F5: variants seen among roughly 807,000 people sequenced by gnomAD.
F5 encodes the protein coagulation factor V.
Under a neutral mutation model 216.4 loss-of-function variants are expected in F5, and 138 were observed. The ratio of observed to expected loss-of-function variants is 0.64; its 90% CI spans 0.56 to 0.73. The LOEUF (loss-of-function observed/expected upper bound fraction) is 0.73. Among genes scored for constraint, F5 ranks in the 30% least tolerant of loss-of-function variants. The pLI is 0.00. For missense variants in F5, 2,403 were observed against 2,674.0 expected, an observed-to-expected ratio of 0.90 and a Z score of 2.24; for synonymous variants, 916 against 930.7, an observed-to-expected ratio of 0.98 and a Z score of 0.29.
chr1:169,517,674 T>A (rs1039056749), intron 23 of F5, among the ~76,000 whole-genome samples: 3 of 152,194 alleles, frequency 2.0e-5, no homozygotes, highest in Non-Finnish European at 4.4e-5. Flanking sequence ...CTCAGTGGGC[T>A]AATATCAGGG....
chr1:169,520,657 T>C lies in F5; in HGVS notation c.6056A>G (p.Asn2019Ser). 1 of 1,613,486 alleles carries C rather than the reference T, an allele frequency of 6.2e-7. No individual in the cohort carries two copies. Among genetic ancestry groups the C allele is most frequent in the Non-Finnish European group, 8.5e-7 (1 of 1,179,554 alleles). Residue 2019 changes from asparagine (N) to serine (S), a missense_variant, in exon 22 of 25, where the codon AAT becomes AGT. This residue lies in a region of F5 where 659 missense variants were observed against 787.9 expected (regional missense o/e 0.84). Transcript: ENST00000367797. ...GNSTRNVMYF[N>S]GNSDASTIKE... ...TATTGTAGAGGCATCTGAATTGCCA[T>C]TAAAATACTAGAAGAAAAGAGGAAA...
chr1:169,552,802 C>T (rs1660204851), intron 7 of F5, 68 bp from the exon 8 acceptor site: 1 of 1,209,114 alleles, frequency 8.3e-7, no homozygotes, highest in Non-Finnish European at 1.2e-6. Context: ...TGGGGAAACC[C>T]TTGTGCTTAA....
intron 2 of F5, among the ~76,000 whole-genome samples, chr1:169,579,968 T>G (rs1253223108): frequency 6.6e-6 from 1 of 152,220 alleles, no homozygotes; most frequent in African/African-American, 2.4e-5. Flanking sequence ...GTTGCATCTC[T>G]TGTTAATTCC....
rs118203907 is a variant in F5 at position 169,530,805 on chromosome 1, T to C, written c.5189A>G (p.Tyr1730Cys). The C allele has an allele frequency of 2.2e-5, 35 of 1,613,772 alleles. No homozygotes were observed. The highest frequency in any genetic ancestry group is 3.0e-5 in the Non-Finnish European group (35 of 1,179,808). The stretch of plus-strand genomic sequence containing the variant: ...ACCTACTGGGTTCACAGCTGAGTAG[T>C]AGGCCCAAGCCCGACAGGCAGAGCC... ...SPGSACRAWAYYSAVNPEKDI... is the reference protein window; with the variant it reads ...SPGSACRAWACYSAVNPEKDI... Residue 1730 changes from tyrosine to cysteine, a missense_variant, in exon 15 of 25, where the codon TAC becomes TGC. Transcript: ENST00000367797.
chr1:169,521,980 G>A (rs1659321143), intron 21 of F5, among the ~76,000 whole-genome samples: 1 of 151,948 alleles, frequency 6.6e-6, no homozygotes, highest in South Asian at 2.1e-4. Context: ...GAAAGGAGGG[G>A]CAGATGACAA....
intron 3 of F5, among the ~76,000 whole-genome samples, chr1:169,567,995 C>T (rs1026057397): frequency 6.6e-6 from 1 of 152,080 alleles, no homozygotes; most frequent in Non-Finnish European, 1.5e-5. Flanking sequence ...CAATATTGAA[C>T]CTATCTGTAA....
chr1:169,578,930 A>G (rs951245931), intron 2 of F5, among the ~76,000 whole-genome samples: 2 of 151,864 alleles, frequency 1.3e-5, no homozygotes, highest in African/African-American at 2.4e-5. Context: ...TTATCCCCAC[A>G]TTTTCTATTG....
intron 18 of F5, among the ~76,000 whole-genome samples, chr1:169,525,482 C>G (rs1200607858): frequency 6.6e-6 from 1 of 152,210 alleles, no homozygotes; most frequent in African/African-American, 2.4e-5. Context: ...GTGCTTCATA[C>G]TCAACAGTGC....
intron 2 of F5, among the ~76,000 whole-genome samples, chr1:169,575,304 G>A (rs1231467956): frequency 6.6e-6 from 1 of 152,222 alleles, no homozygotes; most frequent in Non-Finnish European, 1.5e-5. Context: ...CAGTGGGGAG[G>A]TGGAGCTTAG....
intron 12 of F5, among the ~76,000 whole-genome samples, chr1:169,543,379 G>A (rs1022250068): frequency 2.6e-5 from 4 of 152,108 alleles, no homozygotes; most frequent in African/African-American, 7.2e-5. Context: ...TGACCAGTGC[G>A]TTCATCTCGC....
rs766175119 is a variant in F5 at position 169,572,333 on chromosome 1, C to A, written c.261G>T (p.Gly87=). 4 of 1,613,082 alleles carry A rather than the reference C, an allele frequency of 2.5e-6. No individual in the cohort carries two copies. Among genetic ancestry groups the A allele is most frequent in the Non-Finnish European group, 3.4e-6 (4 of 1,179,588 alleles). Residue 87 remains glycine, a synonymous_variant, in exon 3 of 25, where the codon GGG becomes GGT. Transcript: ENST00000367797. ...CTCCGACTTCAGCATATAAAGTAGGCCCAAGAAGTCCTGTGAAAACAAATA... is the reference window on the plus strand; with the variant it reads ...CTCCGACTTCAGCATATAAAGTAGGACCAAGAAGTCCTGTGAAAACAAATA... ...KPQSTISGLL[G]PTLYAEVGDI...
At chr1:169,532,914 A>G (rs1228029624) in intron 14 of F5, among the ~76,000 whole-genome samples, 1 of 152,222 alleles carries the variant, frequency 6.6e-6, no homozygotes, top group East Asian at 1.9e-4. Context: ...GAGCCTGAAT[A>G]GCCAAAGCAA....
intron 2 of F5, among the ~76,000 whole-genome samples, chr1:169,581,052 G>A (rs1184344366): frequency 6.6e-6 from 1 of 152,192 alleles, no homozygotes; most frequent in Non-Finnish European, 1.5e-5. Context: ...GAGGGAAAGT[G>A]GCTTCTGGGT....
chr1:169,578,964 T>A (rs1235224582), intron 2 of F5, among the ~76,000 whole-genome samples: 1 of 152,186 alleles, frequency 6.6e-6, no homozygotes, highest in Non-Finnish European at 1.5e-5. Flanking sequence ...GGCATTTCTA[T>A]AGAGTCTTCC....
At chr1:169,523,674 G>C in intron 20 of F5, 127 bp downstream of exon 20, 1 of 892,032 alleles carries the variant, frequency 1.1e-6, no homozygotes, top group Non-Finnish European at 1.8e-6. Context: ...ACTTAGAACA[G>C]TGCCTCACAC....
intron 1 of F5, 70 bp downstream of exon 1, chr1:169,586,159 G>C: frequency 6.3e-7 from 1 of 1,577,658 alleles, no homozygotes; most frequent in Non-Finnish European, 8.7e-7. Context: ...ACATTGCAAA[G>C]GGAATGTTCT....
At chr1:169,585,909 C>T (rs1246081790) in intron 1 of F5, among the ~76,000 whole-genome samples, 1 of 152,122 alleles carries the variant, frequency 6.6e-6, no homozygotes, top group African/African-American at 2.4e-5. Flanking sequence ...GGAGCAAGTG[C>T]CTGGTGCCTT....
chr1:169,542,499 T>C lies in F5; in HGVS notation c.2591A>G (p.Lys864Arg). ...AGEFKSQEHA[K>R]HKGPKVERDQ... is the part of the protein sequence containing the mutation. ...TCTTTCTACCTTGGGTCCCTTATGCTTAGCATGTTCTTGACTTTTGAATTC... is the reference window on the plus strand; with the variant it reads ...TCTTTCTACCTTGGGTCCCTTATGCCTAGCATGTTCTTGACTTTTGAATTC... Residue 864 changes from lysine to arginine, a missense_variant, in exon 13 of 25, where the codon AAG becomes AGG. Around this residue, in one of 4 missense-constraint regions of F5, gnomAD observed 1,425 missense variants for 1,554.8 expected, o/e 0.92. Transcript: ENST00000367797. 1 of 1,614,108 alleles carries C rather than the reference T, an allele frequency of 6.2e-7. No homozygotes were observed. Among genetic ancestry groups the C allele is most frequent in the Non-Finnish European group, 8.5e-7 (1 of 1,179,978 alleles).
Position 169,530,881 on chromosome 1 carries a change from T to A in F5, c.5113A>T (p.Ser1705Cys). 1 of 1,613,990 alleles carries A rather than the reference T, an allele frequency of 6.2e-7. No homozygotes were observed. The highest frequency in any genetic ancestry group is 8.5e-7 in the Non-Finnish European group (1 of 1,179,884). ...KEDNAVQPNS[S>C]YTYVWHATER... ...GTGGCATGCCATACGTAGGTATAAC[T>A]GCTATTTGGCTGAACAGCATTATCT... Residue 1705 changes from serine (S) to cysteine (C), a missense_variant, in exon 15 of 25, where the codon AGT (serine) becomes TGT (cysteine). Physicochemically the swap from Ser to Cys is moderately radical, Grantham distance 112. Coordinates refer to ENST00000367797, the MANE Select transcript of F5 (RefSeq NM_000130.5).
Sources: allele counts gnomAD v4.1 joint callset (sites outside exome capture counted in the v4.1 genomes callset), GRCh38; gene constraint gnomAD v4.1.1; regional missense constraint gnomAD v4.1.1; transcripts MANE v1.5; gene names NCBI Gene and HGNC (gene_info 2026-07-23, HGNC 2026-07-21).